IAPP: variants seen among roughly 807,000 people sequenced by gnomAD.
IAPP encodes Islet amyloid polypeptide (diabetes-associated peptide; amylin).
A neutral mutation model predicts 2.9 loss-of-function variants in IAPP; 4 were observed. The ratio of observed to expected loss-of-function variants is 1.39; its 90% CI spans 0.69 to 3.19. The LOEUF is 3.19. Ranked by LOEUF, IAPP falls within the 30% of genes most tolerant of loss-of-function variation. IAPP has a pLI of 0.01. For synonymous variants in IAPP, 40 were observed against 42.1 expected (o/e 0.95, Z 0.19); for missense variants, 114 against 105.3 (o/e 1.08, Z -0.36).
intron 1 of IAPP, among the ~76,000 whole-genome samples, chr12:21,362,372 C>T (rs1204713961): frequency 6.6e-6 from 1 of 152,106 alleles, no homozygotes; most frequent in Non-Finnish European, 1.5e-5. Flanking sequence ...CACCACCATG[C>T]CTGACTTACA....
At chr12:21,362,121 A>G (rs934014967) in intron 1 of IAPP, among the ~76,000 whole-genome samples, 1 of 152,206 alleles carries the variant, frequency 6.6e-6, no homozygotes, top group African/African-American at 2.4e-5. Flanking sequence ...AAATGAAGGA[A>G]AAAATGTTAA....
upstream of IAPP, among the ~76,000 whole-genome samples, chr12:21,371,578 C>G (rs1246727027): frequency 2.6e-5 from 4 of 152,118 alleles, no homozygotes; most frequent in Non-Finnish European, 5.9e-5. Flanking sequence ...ACTAATGTTT[C>G]TAGTTAGAGA....
intron 1 of IAPP, among the ~76,000 whole-genome samples, chr12:21,363,794 T>C (rs1939139910): frequency 6.6e-6 from 1 of 152,196 alleles, no homozygotes; most frequent in Non-Finnish European, 1.5e-5. Flanking sequence ...CTAGAAAATC[T>C]AGAAGAAATG....
At chr12:21,365,133 C>T (rs1171609172) in intron 1 of IAPP, among the ~76,000 whole-genome samples, 1 of 152,182 alleles carries the variant, frequency 6.6e-6, no homozygotes, top group African/African-American at 2.4e-5. Flanking sequence ...ATCACACTAC[C>T]TGACTTCAAA....
At chr12:21,377,386 TTATTA>T (rs748767371) in intron 2 of IAPP, among the ~76,000 whole-genome samples, 8 of 152,300 alleles carry the variant, frequency 5.3e-5, no homozygotes, top group East Asian at 3.9e-4. Context: ...ATTTTTTACT[TTATTA>T]TATTTCATTT....
intron 1 of IAPP, 39 bp from the exon 2 acceptor site, chr12:21,373,298 A>C (rs751388047): frequency 8.4e-7 from 1 of 1,188,602 alleles, no homozygotes. Context: ...TAGAACTGTA[A>C]GAAATCTCTT....
intron 1 of IAPP, among the ~76,000 whole-genome samples, chr12:21,360,475 C>T (rs1302851263): frequency 6.6e-6 from 1 of 152,198 alleles, no homozygotes; most frequent in Non-Finnish European, 1.5e-5. Context: ...TCTGCAGCTC[C>T]CAGTGTGAAG....
At chr12:21,365,042 A>T (rs2137063831) in intron 1 of IAPP, among the ~76,000 whole-genome samples, 1 of 152,316 alleles carries the variant, frequency 6.6e-6, no homozygotes, top group South Asian at 2.1e-4. Context: ...ATTGGAAAAA[A>T]CTACTTTAAA....
At chr12:21,366,162 G>C (rs1939361408) in intron 1 of IAPP, among the ~76,000 whole-genome samples, 1 of 152,064 alleles carries the variant, frequency 6.6e-6, no homozygotes, top group African/African-American at 2.4e-5. Flanking sequence ...ATGTCCATCA[G>C]TGATAGACTG....
chr12:21,374,434 T>C (rs1422935009), intron 2 of IAPP: 1 of 152,168 alleles, frequency 6.6e-6, no homozygotes, highest in Non-Finnish European at 1.5e-5. Flanking sequence ...TTATAATTCT[T>C]CTCATTAGAA....
chr12:21,377,346 C>A (rs915159134), intron 2 of IAPP, among the ~76,000 whole-genome samples: 1 of 152,114 alleles, frequency 6.6e-6, no homozygotes, highest in Non-Finnish European at 1.5e-5. Context: ...TTATGATATT[C>A]TCTTTTTTTG....
intron 2 of IAPP, among the ~76,000 whole-genome samples, chr12:21,375,936 G>A (rs1221545397): frequency 6.6e-6 from 1 of 152,094 alleles, no homozygotes; most frequent in Non-Finnish European, 1.5e-5. Context: ...GGGAGGTAAT[G>A]CCTTTTATTA....
At chr12:21,371,229 G>A (rs752227038), upstream of IAPP, among the ~76,000 whole-genome samples, 63 of 152,106 alleles carry the variant, frequency 4.1e-4, no homozygotes, top group Non-Finnish European at 6.6e-4. Flanking sequence ...TGGCACACTA[G>A]GGGGCGTGTC....
chr12:21,372,872 A>G (rs1212261679), upstream of IAPP: 1 of 185,826 alleles, frequency 5.4e-6, no homozygotes, highest in African/African-American at 2.4e-5. Context: ...TGTGAGGGGT[A>G]TATAAGAGCT....
Position 21,362,159 on chromosome 12 carries a change from C to T in IAPP, c.-16+7146C>T, listed in dbSNP as rs1423490398. Among the ~76,000 whole-genome samples, 5 of 152,128 alleles carry T rather than the reference C, an allele frequency of 3.3e-5. 1 individual carries two copies. The stretch of plus-strand genomic sequence containing the variant: ...GCAGCCAGAGAGAAAGGTCAGGTTA[C>T]CCACAAAGGGAAGCCCATTAGACTA... On this transcript the variant is annotated intron_variant, in intron 1 of 2. Transcript: ENST00000539393.
In IAPP at chr12:21,378,155, A is replaced by G. The variant is rs546093081; in HGVS notation, c.81-82A>G. The stretch of plus-strand genomic sequence containing the variant: ...AAAATTGTTTCTTTGGTTTTCATCA[A>G]TACAAGATATTTGATGTCACATGGC... On this transcript the variant is annotated intron_variant, in intron 2 of 2. Coordinates refer to ENST00000240652, the MANE Select transcript of IAPP (RefSeq NM_000415.3). The G allele has an allele frequency of 4.7e-5, 60 of 1,284,064 alleles. No homozygotes were observed. In the African/African-American group the frequency reaches 7.5e-4, roughly 16 times the overall value. 79.5% of individuals were successfully genotyped at this position (1,284,064 alleles called of 1,614,324 possible).
At chr12:21,375,472 ACAAAATTTAATCATCT>A (rs1239832163) in intron 2 of IAPP, among the ~76,000 whole-genome samples, 1 of 152,250 alleles carries the variant, frequency 6.6e-6, no homozygotes, top group African/African-American at 2.4e-5. Context: ...CATTTTCCTC[ACAAAATTTAATCATCT>A]CATTTGAGAT....
intron 1 of IAPP, 132 bp downstream of exon 1, chr12:21,373,136 G>C: frequency 1.7e-6 from 1 of 585,970 alleles, no homozygotes; most frequent in African/African-American, 1.9e-5. Flanking sequence ...AGATTGCTTA[G>C]AGAAGGAAAT....
At chr12:21,365,763 G>C (rs2137066714) in intron 1 of IAPP, among the ~76,000 whole-genome samples, 1 of 152,310 alleles carries the variant, frequency 6.6e-6, no homozygotes, top group African/African-American at 2.4e-5. Context: ...CTTCTCAAAA[G>C]AAGACATTTA....
Sources: gnomAD v4.1 joint callset for allele counts (sites outside exome capture counted in the v4.1 genomes callset) on GRCh38, gnomAD v4.1.1 for gene constraint, MANE v1.5 for transcripts, NCBI Gene and HGNC (gene_info 2026-07-23, HGNC 2026-07-21) for gene names.